AK2: variants seen among roughly 807,000 people sequenced by gnomAD.
The protein encoded by AK2 is adenylate kinase 2, also known as adenylate kinase 2, mitochondrial.
In AK2, 15 loss-of-function variants were observed where a neutral mutation model predicts 24.6. The observed-to-expected ratio is 0.61, with a 90% confidence interval of 0.41 to 0.94. The LOEUF is 0.94. AK2 is among the 40% of genes least tolerant of loss of function. The probability of loss-of-function intolerance (pLI) is 0.00; values close to 1 mark genes in which losing one functional copy is unlikely to be tolerated. For missense variants in AK2, 257 were observed against 304.1 expected (o/e 0.85, Z 1.15); for synonymous variants, 102 against 114.0 (o/e 0.90, Z 0.67).
intron 1 of AK2, among the ~76,000 whole-genome samples, chr1:33,034,936 C>G (rs1346217218): frequency 6.6e-6 from 1 of 151,954 alleles, no homozygotes; most frequent in African/African-American, 2.4e-5. Flanking sequence ...CCTGTACTCC[C>G]AGCTACCTGG....
chr1:33,021,586 T>C lies in AK2; in HGVS notation c.330+7A>G, dbSNP rs1348835625. On this transcript the variant is annotated splice_region_variant and intron_variant, in intron 3 of 5. Coordinates refer to ENST00000672715, the MANE Select transcript of AK2 (RefSeq NM_001625.4). ...TGCAGTAGTAATATAAAAACTAAGC[T>C]ACCCACCATTTCTGCCTGCCTCACA... is the stretch of plus-strand genomic sequence containing the variant. 6.2e-7 allele frequency: 1 copy of C among 1,613,490 alleles called. No individual in the cohort carries two copies.
chr1:33,014,192 T>A (rs1639029438), intron 5 of AK2, among the ~76,000 whole-genome samples: 1 of 152,216 alleles, frequency 6.6e-6, no homozygotes, highest in South Asian at 2.1e-4. Flanking sequence ...AATTGTAGGC[T>A]TTTAAGAAAG....
In AK2 at chr1:33,020,011, A is replaced by G. The variant is rs1406595945; in HGVS notation, c.425+1356T>C. 30 of 1,514,910 alleles carry G rather than the reference A, an allele frequency of 2.0e-5. No individual in the cohort carries two copies. In the East Asian group the frequency reaches 6.7e-4, roughly 34 times the overall value. The allele number at this position is 1,514,910 out of a possible 1,614,324, so 93.8% of individuals were successfully genotyped here. Reference sequence around the variant, plus strand: ...CAATAAAGAAGGGAATGGAGGGTCCATTTGCAGTTGAAAGCTTCTGTCATA... The same window carrying G: ...CAATAAAGAAGGGAATGGAGGGTCCGTTTGCAGTTGAAAGCTTCTGTCATA... On this transcript the variant is annotated intron_variant, in intron 4 of 5. Coordinates refer to ENST00000672715, the MANE Select transcript of AK2 (RefSeq NM_001625.4).
rs1276640594 is a variant in AK2, at chr1:33,009,292, A to G, written c.*3889T>C. ...AACATGAGAGCTTTAGTTTGGAGAAATTATTTAAGCTCACTTTTGCTGGAG... is the reference window on the plus strand; with the variant it reads ...AACATGAGAGCTTTAGTTTGGAGAAGTTATTTAAGCTCACTTTTGCTGGAG... On this transcript the variant is annotated 3_prime_UTR_variant, in exon 6 of 6. Transcript: ENST00000672715. The G allele has an allele frequency of 2.2e-6, 1 of 454,002 alleles. No individual in the cohort carries two copies. The highest frequency in any genetic ancestry group is 2.0e-5 in the African/African-American group (1 of 50,026). 28.1% of individuals were successfully genotyped at this position (454,002 alleles called of 1,614,324 possible).
intron 4 of AK2, among the ~76,000 whole-genome samples, chr1:33,018,394 G>A (rs1369082288): frequency 6.6e-6 from 1 of 151,944 alleles, no homozygotes; most frequent in Non-Finnish European, 1.5e-5. Flanking sequence ...ACCAACCTGG[G>A]CAACAGAGTG....
rs74224621 is a variant in AK2, at chr1:33,030,573, C to T, written c.94-6006G>A. On this transcript the variant is annotated intron_variant, in intron 1 of 5. Transcript: ENST00000672715. ...TGTCTCCTAAAACAAAAACACCTCCCCAACTACCCCTTCTTCCGCTGAGGA... is the reference window on the plus strand; with the variant it reads ...TGTCTCCTAAAACAAAAACACCTCCTCAACTACCCCTTCTTCCGCTGAGGA... Among the ~76,000 whole-genome samples, 33 of 152,222 alleles carry T rather than the reference C, an allele frequency of 2.2e-4. No individual in the cohort carries two copies. In the East Asian group the frequency reaches 4.2e-3, roughly 20 times the overall value.
intron 1 of AK2, among the ~76,000 whole-genome samples, chr1:33,028,613 T>C (rs1407483068): frequency 1.3e-5 from 2 of 152,114 alleles, no homozygotes; most frequent in Non-Finnish European, 2.9e-5. Flanking sequence ...AACTACACTT[T>C]GAAGAGCAGG....
chr1:33,008,454 T>A lies in AK2; in HGVS notation c.*4727A>T, dbSNP rs1200780008. 2.2e-6 allele frequency: 1 copy of A among 453,944 alleles called. No homozygotes were observed. 28.1% of individuals were successfully genotyped at this position (453,944 alleles called of 1,614,324 possible). A position where few individuals can be genotyped will look rare whatever the true frequency, so the allele number is the denominator to read the frequency against. On this transcript the variant is annotated 3_prime_UTR_variant, in exon 6 of 6. Transcript: ENST00000672715. ...ATCCTAAGACACATACCCTAGGCCC[T>A]CAGAGCCGGCAGTGACTTCTTCAAA...
intron 1 of AK2, among the ~76,000 whole-genome samples, chr1:33,026,664 C>T (rs1376634854): frequency 4.0e-5 from 6 of 151,190 alleles, no homozygotes; most frequent in Admixed American, 1.3e-4. Flanking sequence ...AAAAATTAGC[C>T]GGGCATGGTG....
At position 33,010,327 on chromosome 1, in the gene AK2, T is replaced by C. The variant is rs1382043232; in HGVS notation, c.*2854A>G. 4 of 457,918 alleles carry C rather than the reference T, an allele frequency of 8.7e-6. No homozygotes were observed. 28.4% of individuals were successfully genotyped at this position (457,918 alleles called of 1,614,324 possible). ...ACCATCCCTATGAATACACCTTACA[T>C]CTCTTTCAAATGTGGAGATGGTTTT... On this transcript the variant is annotated 3_prime_UTR_variant, in exon 6 of 6. Transcript: ENST00000672715.
At position 33,008,146 on chromosome 1, in the gene AK2, G is replaced by C; in HGVS notation, c.*5035C>G. The C allele has an allele frequency of 2.2e-6, 1 of 454,094 alleles. No homozygotes were observed. The highest frequency in any genetic ancestry group is 1.6e-5 in the South Asian group (1 of 64,472). The allele number at this position is 454,094 out of a possible 1,614,324, so 28.1% of individuals were successfully genotyped here. On this transcript the variant is annotated 3_prime_UTR_variant, in exon 6 of 6. Coordinates refer to ENST00000672715, the MANE Select transcript of AK2 (RefSeq NM_001625.4). ...TCTTCAATGCCTACATTTTCCCTCT[G>C]AATTCCATCTGTGTTTACTAAGCAT...
rs183334307 is a variant in AK2 at position 33,012,944 on chromosome 1, C to T, written c.*237G>A. ...TAAACAGCTGGTAAAGCAACCTAGC[C>T]TAAAACTTACAAAGTAGCAGAGTGA... On this transcript the variant is annotated 3_prime_UTR_variant, in exon 6 of 6. Transcript: ENST00000672715. The T allele has an allele frequency of 8.5e-6, 13 of 1,523,150 alleles. No individual in the cohort carries two copies. The highest frequency in any genetic ancestry group is 1.9e-5 in the Admixed American group (1 of 52,976). The allele number at this position is 1,523,150 out of a possible 1,614,324, so 94.4% of individuals were successfully genotyped here.
Position 33,011,391 on chromosome 1 carries a change from G to C in AK2, c.*1790C>G. On this transcript the variant is annotated 3_prime_UTR_variant, in exon 6 of 6. Transcript: ENST00000672715. The stretch of plus-strand genomic sequence containing the variant: ...CCAGACTGAGTTTCCATTAAGAGTG[G>C]GTGGAGTTGGTTTAGAGCCAGGAAA... The C allele has an allele frequency of 7.8e-7, 1 of 1,287,462 alleles. No homozygotes were observed. Among genetic ancestry groups the C allele is most frequent in the Non-Finnish European group, 1.0e-6 (1 of 988,880 alleles). The allele number at this position is 1,287,462 out of a possible 1,614,324, so 79.8% of individuals were successfully genotyped here. A position where few individuals can be genotyped will look rare whatever the true frequency, so the allele number is the denominator to read the frequency against.
intron 1 of AK2, among the ~76,000 whole-genome samples, chr1:33,033,478 G>A (rs1640378654): frequency 6.6e-6 from 1 of 152,076 alleles, no homozygotes; most frequent in African/African-American, 2.4e-5. Flanking sequence ...ACTCCAGCTT[G>A]GGCAACTGAG....
chr1:33,021,326 G>T, intron 4 of AK2, 41 bp downstream of exon 4: 1 of 1,521,880 alleles, frequency 6.6e-7, no homozygotes, highest in Non-Finnish European at 9.1e-7. Context: ...GTTTGAGAAA[G>T]CTCTGAGAAG....
chr1:33,008,181 C>T lies in AK2; in HGVS notation c.*5000G>A, dbSNP rs1358707002. The stretch of plus-strand genomic sequence containing the variant: ...TGTGTTTACTAAGCATCTGCTGTGT[C>T]CTGGGCAGTCCAACCCACATGAGTA... On this transcript the variant is annotated 3_prime_UTR_variant, in exon 6 of 6. Coordinates refer to ENST00000672715, the MANE Select transcript of AK2 (RefSeq NM_001625.4). The T allele has an allele frequency of 2.2e-6, 1 of 454,098 alleles. No individual in the cohort carries two copies. Among genetic ancestry groups the T allele is most frequent in the Non-Finnish European group, 4.4e-6 (1 of 226,916 alleles). The allele number at this position is 454,098 out of a possible 1,614,324, so 28.1% of individuals were successfully genotyped here.
chr1:33,034,087 C>G (rs987006004), intron 1 of AK2, among the ~76,000 whole-genome samples: 1 of 152,024 alleles, frequency 6.6e-6, no homozygotes, highest in Non-Finnish European at 1.5e-5. Flanking sequence ...GTTGCCCAGG[C>G]TTGAACTTTT....
In AK2 at chr1:33,012,820, C is replaced by T. The variant is rs1398839075; in HGVS notation, c.*361G>A. On this transcript the variant is annotated 3_prime_UTR_variant, in exon 6 of 6. Transcript: ENST00000672715. ...GCTGAGGTGGGATAATTGCTTGAGC[C>T]CCAGGAGGCAGAGGTTGCCGTGAGC... The T allele has an allele frequency of 8.6e-7, 1 of 1,169,308 alleles. No homozygotes were observed. Among genetic ancestry groups the T allele is most frequent in the Non-Finnish European group, 1.1e-6 (1 of 879,232 alleles). 72.4% of individuals were successfully genotyped at this position (1,169,308 alleles called of 1,614,324 possible). A position where few individuals can be genotyped will look rare whatever the true frequency, so the allele number is the denominator to read the frequency against.
chr1:33,012,475 A>G lies in AK2; in HGVS notation c.*706T>C. 7.1e-7 allele frequency: 1 copy of G among 1,408,414 alleles called. No individual in the cohort carries two copies. Among genetic ancestry groups the G allele is most frequent in the East Asian group, 3.5e-5 (1 of 28,334 alleles). The allele number at this position is 1,408,414 out of a possible 1,614,324, so 87.2% of individuals were successfully genotyped here. A position where few individuals can be genotyped will look rare whatever the true frequency, so the allele number is the denominator to read the frequency against. On this transcript the variant is annotated 3_prime_UTR_variant, in exon 6 of 6. Coordinates refer to ENST00000672715, the MANE Select transcript of AK2 (RefSeq NM_001625.4). The stretch of plus-strand genomic sequence containing the variant: ...CTGTGACCCTGCCTGACTTCACATG[A>G]TCCTGGACTTCTAATCAGCTGCTGG...
Sources: allele counts gnomAD v4.1 joint callset (sites outside exome capture counted in the v4.1 genomes callset), GRCh38; gene constraint gnomAD v4.1.1; transcripts MANE v1.5; gene names NCBI Gene and HGNC (gene_info 2026-07-23, HGNC 2026-07-21).